The following DPP10 variants were observed in gnomAD, a reference collection of about 807,000 sequenced individuals.
DPP10 encodes the protein inactive dipeptidyl peptidase 10.
A neutral mutation model predicts 120.9 loss-of-function variants in DPP10; 33 were observed. The observed-to-expected ratio is 0.27, with a 90% CI of 0.21 to 0.37. The LOEUF is 0.37. Among genes scored for constraint, DPP10 ranks in the 10% least tolerant of loss-of-function variants. The pLI is 1.00. For missense variants in DPP10, 816 were observed against 942.8 expected, an observed-to-expected ratio of 0.87 and a Z score of 1.76; for synonymous variants, 337 against 326.1, an observed-to-expected ratio of 1.03 and a Z score of -0.36.
intron 1 of DPP10, among the ~76,000 whole-genome samples, chr2:114,973,661 C>CAAAAAAAAAAAAAAAAAAAAAAA (rs58042446): frequency 1.4e-5 from 1 of 70,996 alleles, no homozygotes; most frequent in African/African-American, 6.3e-5. Context: ...GACTCCGTCT[C>CAAAAAAAAAAAAAAAAAAAAAAA]AAAAAAAAAA....
chr2:115,518,640 T>G (rs935602145), intron 4 of DPP10, among the ~76,000 whole-genome samples: 1 of 151,978 alleles, frequency 6.6e-6, no homozygotes, highest in African/African-American at 2.4e-5. Flanking sequence ...AAAATATGCG[T>G]GTTTTAAAAT....
intron 1 of DPP10, among the ~76,000 whole-genome samples, chr2:114,984,059 G>T (rs116442931): frequency 0.014 from 2,173 of 152,240 alleles, 51 homozygotes; most frequent in African/African-American, 0.05. Flanking sequence ...ACAGACCTAA[G>T]ATTTTATCAT....
intron 1 of DPP10, among the ~76,000 whole-genome samples, chr2:114,472,188 C>T (rs1679976980): frequency 6.6e-6 from 1 of 152,164 alleles, no homozygotes; most frequent in African/African-American, 2.4e-5. Context: ...GCAAACTTCT[C>T]ATATCTTTTT....
chr2:114,521,844 G>T, intron 1 of DPP10, among the ~76,000 whole-genome samples: 1 of 125,948 alleles, frequency 7.9e-6, no homozygotes, highest in South Asian at 2.5e-4. Context: ...GTCTCGCTCT[G>T]TCGCCCAGGC....
Position 114,621,631 on chromosome 2 carries a change from A to T in DPP10, c.60+178793A>T, listed in dbSNP as rs140527968. Among the ~76,000 whole-genome samples the T allele has an allele frequency of 3.9e-5, 6 of 152,064 alleles. No individual in the cohort carries two copies. In the East Asian group the frequency reaches 1.2e-3, roughly 30 times the overall value. ...ACTGAATCCAGTGGAGTTAAAAGGG[A>T]TCTTCAAAAGGCACTCCGAGCACCC... On this transcript the variant is annotated intron_variant, in intron 1 of 25. Transcript: ENST00000410059.
At chr2:114,580,468 C>G (rs1690405942) in intron 1 of DPP10, among the ~76,000 whole-genome samples, 1 of 152,028 alleles carries the variant, frequency 6.6e-6, no homozygotes, top group South Asian at 2.1e-4. Context: ...AGATCAAGGC[C>G]AAGAGAGACA....
chr2:115,038,754 C>G (rs1704418932), intron 1 of DPP10, among the ~76,000 whole-genome samples: 1 of 152,150 alleles, frequency 6.6e-6, no homozygotes, highest in Non-Finnish European at 1.5e-5. Context: ...AGTGATTACT[C>G]TCGCTTTACA....
rs1264946349 is a variant in DPP10 at position 114,663,666 on chromosome 2, T to TAGAG, written c.60+220829_60+220830insGAGA. Among the ~76,000 whole-genome samples the TAGAG allele has an allele frequency of 7.2e-3, 669 of 92,538 alleles. 3 individuals are homozygous for TAGAG. Among genetic ancestry groups the TAGAG allele is most frequent in the Non-Finnish European group, 8.4e-3 (452 of 53,930 alleles). The allele number at this position is 92,538 out of a possible 152,430, so 60.7% of individuals were successfully genotyped here. A position where few individuals can be genotyped will look rare whatever the true frequency, so the allele number is the denominator to read the frequency against. On this transcript the variant is annotated intron_variant, in intron 1 of 25. Coordinates refer to ENST00000410059, the MANE Select transcript of DPP10 (RefSeq NM_020868.6). ...ATATATATATATATATATATATATA[T>TAGAG]ATAGAGAGAGAGAGAGAGAGAGAGA...
chr2:115,294,019 G>A (rs2060774542), intron 1 of DPP10, among the ~76,000 whole-genome samples: 1 of 152,140 alleles, frequency 6.6e-6, no homozygotes, highest in African/African-American at 2.4e-5. Flanking sequence ...CAGTCTGTTA[G>A]TGTATATACT....
At chr2:115,812,998 G>A (rs1686816834) in intron 19 of DPP10, among the ~76,000 whole-genome samples, 1 of 107,972 alleles carries the variant, frequency 9.3e-6, no homozygotes, top group African/African-American at 3.9e-5. Context: ...TTTTTGAGAC[G>A]GAGTCTCGCT....
chr2:114,508,198 G>A (rs149585808), intron 1 of DPP10, among the ~76,000 whole-genome samples: 218 of 152,206 alleles, frequency 1.4e-3, no homozygotes, highest in African/African-American at 4.7e-3. Context: ...TTACACTGAA[G>A]CTATAAAATA....
rs148048025 is a variant in DPP10, at chr2:115,705,994, G to GA, written c.576+16080dup. ...AAGTCTGTTTGGGTTTAATGGGGGG[G>GA]AAAAAAACAGGAAACAAAACCTCAC... On this transcript the variant is annotated intron_variant, in intron 7 of 25. Transcript: ENST00000410059. Among the ~76,000 whole-genome samples the GA allele has an allele frequency of 2.0e-5, 3 of 151,402 alleles. No homozygotes were observed. The South Asian group carries it at 6.3e-4, about 32-fold the overall frequency.
chr2:115,229,419 CTTG>C (rs2057618145), intron 1 of DPP10, among the ~76,000 whole-genome samples: 1 of 152,080 alleles, frequency 6.6e-6, no homozygotes, highest in Non-Finnish European at 1.5e-5. Flanking sequence ...GTTGCGCATG[CTTG>C]TTGATTATTA....
chr2:114,651,899 G>GGCAT (rs1209388061), intron 1 of DPP10, among the ~76,000 whole-genome samples: 2 of 152,086 alleles, frequency 1.3e-5, no homozygotes, highest in African/African-American at 4.8e-5. Context: ...CGTGAGTTAG[G>GGCAT]GCATGCATCT....
chr2:115,491,577 C>A (rs1157672089), intron 3 of DPP10, among the ~76,000 whole-genome samples: 1 of 151,904 alleles, frequency 6.6e-6, no homozygotes, highest in African/African-American at 2.4e-5. Context: ...GCAGACATCT[C>A]TTCAGCCAGG....
intron 1 of DPP10, among the ~76,000 whole-genome samples, chr2:115,198,609 C>G (rs982004988): frequency 6.6e-6 from 1 of 152,162 alleles, no homozygotes; most frequent in Non-Finnish European, 1.5e-5. Context: ...CAAATTACTT[C>G]CAGTGATTCT....
intron 1 of DPP10, among the ~76,000 whole-genome samples, chr2:114,486,017 A>G (rs17048418): frequency 0.037 from 5,629 of 152,284 alleles, 164 homozygotes; most frequent in Middle Eastern, 0.085. Context: ...ATTTGGGAGA[A>G]CATTGAACTT....
chr2:115,129,378 T>C (rs867896547), intron 1 of DPP10, among the ~76,000 whole-genome samples: 10 of 152,226 alleles, frequency 6.6e-5, no homozygotes, highest in Admixed American at 5.2e-4. Flanking sequence ...GCTGTCTACC[T>C]ACCATCTCTA....
chr2:115,147,364 A>T (rs1033110720), intron 1 of DPP10, among the ~76,000 whole-genome samples: 4 of 152,096 alleles, frequency 2.6e-5, no homozygotes, highest in African/African-American at 9.7e-5. Context: ...ACAAGACATT[A>T]TTAAGGATAT....
Sources: allele counts gnomAD v4.1 joint callset (sites outside exome capture counted in the v4.1 genomes callset), GRCh38; gene constraint gnomAD v4.1.1; transcripts MANE v1.5; gene names NCBI Gene and HGNC (gene_info 2026-07-23, HGNC 2026-07-21).